DLGAP2: variants seen among roughly 807,000 people sequenced by gnomAD.
DLGAP2 encodes disks large-associated protein 2.
Under a neutral mutation model 100.3 loss-of-function variants are expected in DLGAP2, and 26 were observed. The observed-to-expected ratio is 0.26, with a 90% CI of 0.19 to 0.36. The LOEUF is 0.36. Among genes scored for constraint, DLGAP2 ranks in the 10% least tolerant of loss-of-function variants. The probability of loss-of-function intolerance (pLI) is 1.00; values close to 1 mark genes in which losing one functional copy is unlikely to be tolerated. For missense variants in DLGAP2, 1,858 were observed against 1,453.2 expected (o/e 1.28, Z -4.53); for synonymous variants, 886 against 630.1 (o/e 1.41, Z -6.08).
intron 1 of DLGAP2, among the ~76,000 whole-genome samples, chr8:759,288 A>C (rs1189292913): frequency 6.7e-6 from 1 of 148,774 alleles, no homozygotes; most frequent in African/African-American, 2.5e-5. Context: ...CCCATTATCA[A>C]TACCCCCCAC....
Position 1,701,229 on chromosome 8 carries a change from C to G in DLGAP2, c.2991C>G (p.Pro997=), listed in dbSNP as rs369785737. 136 of 1,576,944 alleles carry G rather than the reference C, an allele frequency of 8.6e-5. No homozygotes were observed. The African/African-American group carries it at 1.7e-3, about 20-fold the overall frequency. The change falls in exon 15 of 15, where the codon CCC becomes CCG. Residue 997 remains proline (P), a synonymous_variant. Coordinates refer to ENST00000637795, the MANE Select transcript of DLGAP2 (RefSeq NM_001346810.2). ...CGCCTCCAATACCAAAGAAGCCTCC[C>G]AAGGGGAAGTTTCCCATCACAAGAG... ...KVPPPIPKKP[P]KGKFPITREK...
At chr8:743,920 C>T (rs761295630) in intron 1 of DLGAP2, among the ~76,000 whole-genome samples, 1 of 152,266 alleles carries the variant, frequency 6.6e-6, no homozygotes, top group Non-Finnish European at 1.5e-5. Context: ...CTGGATCACT[C>T]ACTAAGCTAC....
At chr8:964,887 G>GA (rs1799810383) in intron 2 of DLGAP2, among the ~76,000 whole-genome samples, 1 of 152,124 alleles carries the variant, frequency 6.6e-6, no homozygotes, top group Admixed American at 6.5e-5. Context: ...GCTCCGGGGG[G>GA]TACTGCCTTC....
At chr8:957,724 C>A (rs1799628236) in intron 2 of DLGAP2, among the ~76,000 whole-genome samples, 1 of 152,238 alleles carries the variant, frequency 6.6e-6, no homozygotes, top group Admixed American at 6.5e-5. Context: ...TTTCAAAAAT[C>A]TTTGTCATTC....
chr8:1,178,768 C>T (rs564053659), intron 2 of DLGAP2, among the ~76,000 whole-genome samples: 5 of 152,342 alleles, frequency 3.3e-5, no homozygotes, highest in East Asian at 1.9e-4. Flanking sequence ...TGCAATGATT[C>T]TCTGCCAATT....
intron 2 of DLGAP2, among the ~76,000 whole-genome samples, chr8:1,115,990 C>T (rs946893794): frequency 6.6e-6 from 1 of 152,186 alleles, no homozygotes; most frequent in African/African-American, 2.4e-5. Flanking sequence ...AGGAAACGAT[C>T]CCAGCAGACA....
intron 2 of DLGAP2, among the ~76,000 whole-genome samples, chr8:1,038,700 C>A (rs746989711): frequency 1.3e-5 from 2 of 152,112 alleles, no homozygotes; most frequent in African/African-American, 2.4e-5. Context: ...AGAATTTGAA[C>A]CTTGAAAGGA....
intron 8 of DLGAP2, among the ~76,000 whole-genome samples, chr8:1,666,934 C>T (rs778650100): frequency 5.9e-5 from 9 of 152,144 alleles, no homozygotes; most frequent in African/African-American, 2.2e-4. Context: ...TCTCGGGCAC[C>T]GTGTCTGGAC....
At chr8:1,198,931 G>T (rs1480966641) in intron 2 of DLGAP2, among the ~76,000 whole-genome samples, 1 of 152,226 alleles carries the variant, frequency 6.6e-6, no homozygotes, top group African/African-American at 2.4e-5. Flanking sequence ...CCCGGGACCT[G>T]GATACAGGCA....
At chr8:988,118 A>G (rs1279444333) in intron 2 of DLGAP2, among the ~76,000 whole-genome samples, 2 of 152,010 alleles carry the variant, frequency 1.3e-5, no homozygotes, top group Non-Finnish European at 2.9e-5. Flanking sequence ...GTTATTTTCT[A>G]TGGTTTTCAC....
In DLGAP2 at chr8:870,816, G is replaced by A. The variant is rs202237944; in HGVS notation, c.19-37096G>A. Among the ~76,000 whole-genome samples, 544 of 152,176 alleles carry A rather than the reference G, an allele frequency of 3.6e-3. 5 individuals carry two copies. Among genetic ancestry groups the A allele is most frequent in the African/African-American group, 0.013 (526 of 41,536 alleles). On this transcript the variant is annotated intron_variant, in intron 1 of 14. Transcript: ENST00000637795. ...ATGAATGAGGGAGTGGAGGGCTGCC[G>A]GGCCGGGCCTGGAGTCTTGGCTCTC... is the stretch of plus-strand genomic sequence containing the variant.
chr8:1,256,578 C>CGTGTGCTCTCCTGCCTGGGCGCTGTGT (rs1799225576), intron 2 of DLGAP2, among the ~76,000 whole-genome samples: 1 of 95,958 alleles, frequency 1.0e-5, no homozygotes, highest in African/African-American at 6.5e-5. Flanking sequence ...GGGTGCTGTG[C>CGTGTGCTCTCCTGCCTGGGCGCTGTGT]GTGTGTACTC....
chr8:748,539 C>A (rs925538815), intron 1 of DLGAP2, among the ~76,000 whole-genome samples: 26 of 152,242 alleles, frequency 1.7e-4, no homozygotes, highest in African/African-American at 6.0e-4. Flanking sequence ...CCCAGAAAAG[C>A]AGCAGAGTCC....
chr8:1,286,061 T>A lies in DLGAP2; in HGVS notation c.106+27178T>A, dbSNP rs1258081559. On this transcript the variant is annotated intron_variant, in intron 3 of 14. Transcript: ENST00000637795. ...TCTGTGACTGCACCGAAATCTCACC[T>A]TGAGTTGTAGTAATCGCTGTGTGTC... 6.6e-5 allele frequency among the ~76,000 whole-genome samples: 10 copies of A among 152,360 alleles called. No homozygotes were observed. The East Asian group carries it at 1.9e-3, about 29-fold the overall frequency.
intron 6 of DLGAP2, among the ~76,000 whole-genome samples, chr8:1,581,782 C>T (rs112432489): frequency 3.0e-5 from 4 of 134,512 alleles, no homozygotes; most frequent in Non-Finnish European, 6.4e-5. Context: ...CACAAGTGAA[C>T]GATACAGACA....
At chr8:1,448,994 G>A (rs144330427) in intron 3 of DLGAP2, among the ~76,000 whole-genome samples, 6 of 152,198 alleles carry the variant, frequency 3.9e-5, no homozygotes, top group Non-Finnish European at 7.3e-5. Context: ...AAAAGCTGAC[G>A]CATGTTCTGA....
rs549086222 is a variant in DLGAP2, at chr8:741,619, C to T, written c.18+3794C>T. Among the ~76,000 whole-genome samples the T allele has an allele frequency of 3.9e-5, 6 of 152,274 alleles. No homozygotes were observed. In the South Asian group the frequency reaches 8.3e-4, roughly 21 times the overall value. ...GAAGTGTCCTGTCTGTATTTATTGG[C>T]GGGCCTTCAGGAGTTGAGCTTTCTA... On this transcript the variant is annotated intron_variant, in intron 1 of 14. Transcript: ENST00000637795.
chr8:1,565,844 A>G lies in DLGAP2; in HGVS notation c.1392A>G (p.Pro464=), dbSNP rs757624140. 359 of 1,612,902 alleles carry G rather than the reference A, an allele frequency of 2.2e-4. No homozygotes were observed. Among genetic ancestry groups the G allele is most frequent in the Non-Finnish European group, 2.9e-4 (346 of 1,179,474 alleles). The part of the protein sequence containing the change: ...PKTSPKSAIL[P]EPLLKSIGQR... ...CATCACCAAAGTCGGCAATCCTACC[A>G]GAGCCGCTGCTGAAGTCCATCGGAC... is the stretch of plus-strand genomic sequence containing the variant. Residue 464 remains proline (P), a synonymous_variant, in exon 6 of 15, where the codon CCA becomes CCG. Coordinates refer to ENST00000637795, the MANE Select transcript of DLGAP2 (RefSeq NM_001346810.2).
intron 2 of DLGAP2, among the ~76,000 whole-genome samples, chr8:1,175,579 A>T (rs192917792): frequency 2.0e-5 from 3 of 152,304 alleles, no homozygotes; most frequent in Admixed American, 6.5e-5. Flanking sequence ...CTCCATTAGG[A>T]CAGTAGGAAC....
Sources: allele counts gnomAD v4.1 joint callset (sites outside exome capture counted in the v4.1 genomes callset), GRCh38; gene constraint gnomAD v4.1.1; transcripts MANE v1.5; gene names NCBI Gene and HGNC (gene_info 2026-07-23, HGNC 2026-07-21).